LRP1B: variants seen among roughly 807,000 people sequenced by gnomAD.
The protein encoded by LRP1B is low-density lipoprotein receptor-related protein 1B.
A neutral mutation model predicts 556.6 loss-of-function variants in LRP1B; 217 were observed. That is an observed-to-expected ratio of 0.39 (90% CI 0.35 to 0.44). LRP1B has a LOEUF of 0.44. Ranked by LOEUF, LRP1B falls within the 20% of genes least tolerant of loss-of-function variation. The pLI is 1.00. For missense variants in LRP1B, 5,053 were observed against 5,620.8 expected, an observed-to-expected ratio of 0.90 and a Z score of 3.23; for synonymous variants, 2,047 against 1,865.8, an observed-to-expected ratio of 1.10 and a Z score of -2.50.
At chr2:142,054,388 A>AT (rs1704582791) in intron 1 of LRP1B, among the ~76,000 whole-genome samples, 1 of 151,988 alleles carries the variant, frequency 6.6e-6, no homozygotes, top group Non-Finnish European at 1.5e-5. Flanking sequence ...TACTAGTCTT[A>AT]TTTTTCAATA....
chr2:141,754,458 C>T (rs11888700), intron 2 of LRP1B, among the ~76,000 whole-genome samples: 6,121 of 152,192 alleles, frequency 0.04, 421 homozygotes, highest in African/African-American at 0.14. Flanking sequence ...AAGTAGAAGA[C>T]ATTTATGTAT....
chr2:142,044,777 C>T (rs961039965), intron 1 of LRP1B, among the ~76,000 whole-genome samples: 1 of 114,114 alleles, frequency 8.8e-6, no homozygotes, highest in Non-Finnish European at 2.0e-5. Context: ...CAGAAACACG[C>T]AATTAACATG....
At chr2:140,785,890 C>G (rs1399493294) in intron 32 of LRP1B, among the ~76,000 whole-genome samples, 1 of 152,146 alleles carries the variant, frequency 6.6e-6, no homozygotes, top group Admixed American at 6.6e-5. Context: ...CTCTCCACCT[C>G]GATTGCTTCT....
At chr2:141,859,607 A>C (rs1698175324) in intron 1 of LRP1B, among the ~76,000 whole-genome samples, 2 of 152,198 alleles carry the variant, frequency 1.3e-5, no homozygotes, top group Admixed American at 1.3e-4. Flanking sequence ...TATAGCTAAC[A>C]ATAATGCACT....
chr2:141,904,379 G>A (rs550795962), intron 1 of LRP1B, among the ~76,000 whole-genome samples: 1 of 151,966 alleles, frequency 6.6e-6, no homozygotes, highest in African/African-American at 2.4e-5. Context: ...CAAGAGGGTA[G>A]GGAAGAATCA....
At chr2:141,962,372 C>G (rs1701425349) in intron 1 of LRP1B, among the ~76,000 whole-genome samples, 2 of 151,778 alleles carry the variant, frequency 1.3e-5, no homozygotes, top group South Asian at 4.1e-4. Flanking sequence ...CAGCCTTCCT[C>G]CTGACTTGTT....
At chr2:141,624,280 T>G (rs1688626757) in intron 2 of LRP1B, among the ~76,000 whole-genome samples, 1 of 152,006 alleles carries the variant, frequency 6.6e-6, no homozygotes, top group South Asian at 2.1e-4. Flanking sequence ...AGTAAGTATA[T>G]TAATAGAACT....
intron 43 of LRP1B, among the ~76,000 whole-genome samples, chr2:140,577,127 G>C (rs545086058): frequency 7.9e-5 from 12 of 152,202 alleles, no homozygotes; most frequent in African/African-American, 2.9e-4. Flanking sequence ...TTTGCCACTG[G>C]AAGATAGAGA....
In LRP1B at chr2:141,191,532, G is replaced by A. The variant is rs558438206; in HGVS notation, c.851-2949C>T. ...GAGAAGGCAGAAACTTTGTGGGAAT[G>A]TCTATCACCTCCTACAAGGATAAGC... On this transcript the variant is annotated intron_variant, in intron 6 of 90. Transcript: ENST00000389484. Among the ~76,000 whole-genome samples, 4 of 152,046 alleles carry A rather than the reference G, an allele frequency of 2.6e-5. No individual in the cohort carries two copies. The South Asian group carries it at 8.3e-4, about 32-fold the overall frequency.
rs548642203 is a variant in LRP1B, at chr2:140,323,197, G to A, written c.12514+696C>T. Among the ~76,000 whole-genome samples, 3 of 152,040 alleles carry A rather than the reference G, an allele frequency of 2.0e-5. No individual in the cohort carries two copies. The South Asian group carries it at 6.2e-4, about 32-fold the overall frequency. On this transcript the variant is annotated intron_variant, in intron 81 of 90. Transcript: ENST00000389484. ...GAGCGAACTGATCATTAGAATTTCAGCCATATTATTATTTTTCACTTTGTT... is the reference window on the plus strand; with the variant it reads ...GAGCGAACTGATCATTAGAATTTCAACCATATTATTATTTTTCACTTTGTT...
intron 32 of LRP1B, among the ~76,000 whole-genome samples, chr2:140,780,144 A>T (rs1437317354): frequency 6.6e-6 from 1 of 152,180 alleles, no homozygotes; most frequent in East Asian, 1.9e-4. Flanking sequence ...GCAGACAGCT[A>T]TAAGAGATTT....
chr2:141,055,252 G>C lies in LRP1B; in HGVS notation c.1416C>G (p.Ser472Arg), dbSNP rs1699147519. Reference sequence around the variant, plus strand: ...CATATGGATCGACTTCACATGCATGGCTTCTGACTACAACAAATAAAAAAC... The same window carrying C: ...CATATGGATCGACTTCACATGCATGCCTTCTGACTACAACAAATAAAAAAC... ...YQKRTQPTVRSHACEVDPYGM... is the reference protein window; with the variant it reads ...YQKRTQPTVRRHACEVDPYGM... The change falls in exon 10 of 91, where the codon AGC becomes AGG. Residue 472 changes from serine (S) to arginine (R), a missense_variant. Physicochemically the swap from Ser to Arg is moderately radical, Grantham distance 110. Coordinates refer to ENST00000389484, the MANE Select transcript of LRP1B (RefSeq NM_018557.3). 1 of 1,608,344 alleles carries C rather than the reference G, an allele frequency of 6.2e-7. No homozygotes were observed. Among genetic ancestry groups the C allele is most frequent in the South Asian group, 1.1e-5 (1 of 90,368 alleles).
At chr2:141,817,483 T>G (rs1052583221) in intron 1 of LRP1B, among the ~76,000 whole-genome samples, 1 of 152,052 alleles carries the variant, frequency 6.6e-6, no homozygotes, top group Non-Finnish European at 1.5e-5. Flanking sequence ...ATTATGTATT[T>G]TAATAAAAAT....
intron 66 of LRP1B, among the ~76,000 whole-genome samples, chr2:140,404,423 C>T (rs572889202): frequency 3.9e-5 from 6 of 152,034 alleles, no homozygotes; most frequent in African/African-American, 7.2e-5. Flanking sequence ...CCGCCCACTT[C>T]GGCCTCCCAA....
chr2:141,803,073 T>C (rs2105691738), intron 2 of LRP1B, among the ~76,000 whole-genome samples: 1 of 152,034 alleles, frequency 6.6e-6, no homozygotes, highest in South Asian at 2.1e-4. Flanking sequence ...GGGACATGTG[T>C]CCCCTTTTAT....
chr2:141,773,064 A>G (rs10195141), intron 2 of LRP1B, among the ~76,000 whole-genome samples: 111,942 of 152,074 alleles, frequency 0.74, 41,620 homozygotes, highest in Non-Finnish European at 0.79. Context: ...AGAAATAGTT[A>G]AGATTTTTCC....
At chr2:140,388,580 T>C (rs549114389) in intron 66 of LRP1B, among the ~76,000 whole-genome samples, 17 of 152,310 alleles carry the variant, frequency 1.1e-4, no homozygotes, top group African/African-American at 4.1e-4. Flanking sequence ...GCAGGAAACA[T>C]TAGCTGCCTT....
At position 140,989,558 on chromosome 2, in the gene LRP1B, T is replaced by C; in HGVS notation, c.2744A>G (p.Glu915Gly). Residue 915 changes from glutamate (E) to glycine (G), a missense_variant, in exon 17 of 91, where the codon GAA becomes GGA. By Grantham distance (98) the Glu-to-Gly change is moderately conservative. This residue lies in a region of LRP1B where 3,619 missense variants were observed against 3,931.9 expected (regional missense o/e 0.92). Transcript: ENST00000389484. The part of the protein sequence containing the change: ...CDGANDCGSN[E>G]DESNQTCTAR... Reference sequence around the variant, plus strand: ...TGTGCAAGTTTGATTGGATTCATCTTCATTGCTCCCACAGTCATTAGCTCC... The same window carrying C: ...TGTGCAAGTTTGATTGGATTCATCTCCATTGCTCCCACAGTCATTAGCTCC... The C allele has an allele frequency of 6.2e-7, 1 of 1,613,314 alleles. No individual in the cohort carries two copies. Among genetic ancestry groups the C allele is most frequent in the Non-Finnish European group, 8.5e-7 (1 of 1,179,434 alleles).
At chr2:140,745,049 A>G (rs966035556) in intron 35 of LRP1B, among the ~76,000 whole-genome samples, 1 of 152,214 alleles carries the variant, frequency 6.6e-6, no homozygotes, top group African/African-American at 2.4e-5. Flanking sequence ...CATTACTTTA[A>G]AAACAGAAAA....
Sources: gnomAD v4.1 joint callset for allele counts (sites outside exome capture counted in the v4.1 genomes callset) on GRCh38, gnomAD v4.1.1 for gene constraint, gnomAD v4.1.1 regional missense constraint, MANE v1.5 for transcripts, NCBI Gene and HGNC (gene_info 2026-07-23, HGNC 2026-07-21) for gene names.